The following NCKAP5 variants were observed in gnomAD, a reference collection of about 807,000 sequenced individuals.
The protein encoded by NCKAP5 is nck-associated protein 5.
Under a neutral mutation model 167.0 loss-of-function variants are expected in NCKAP5, and 92 were observed. That is an observed-to-expected ratio of 0.55 (90% CI 0.47 to 0.66). The LOEUF is 0.66. NCKAP5 is among the 30% of genes least tolerant of loss of function. NCKAP5 has a pLI of 0.00. For missense variants in NCKAP5, 2,378 were observed against 2,315.0 expected (o/e 1.03, Z -0.56); for synonymous variants, 891 against 877.4 (o/e 1.02, Z -0.27).
chr2:133,217,070 G>A (rs1056125156), intron 4 of NCKAP5, among the ~76,000 whole-genome samples: 1 of 152,096 alleles, frequency 6.6e-6, no homozygotes, highest in Non-Finnish European at 1.5e-5. Flanking sequence ...TCATTGCCTC[G>A]GACCTGAGAG....
chr2:132,715,698 C>T (rs1689302506), intron 19 of NCKAP5, among the ~76,000 whole-genome samples: 1 of 152,188 alleles, frequency 6.6e-6, no homozygotes, highest in African/African-American at 2.4e-5. Context: ...CTCCCTAACA[C>T]AGTCTGACAA....
At chr2:133,407,418 A>G (rs1688504132) in intron 3 of NCKAP5, among the ~76,000 whole-genome samples, 1 of 152,200 alleles carries the variant, frequency 6.6e-6, no homozygotes, top group Non-Finnish European at 1.5e-5. Flanking sequence ...TTTAAAAATA[A>G]TCCACTTACC....
intron 6 of NCKAP5, among the ~76,000 whole-genome samples, chr2:133,092,093 G>T (rs1369211384): frequency 2.6e-5 from 4 of 152,162 alleles, no homozygotes; most frequent in Non-Finnish European, 5.9e-5. Flanking sequence ...ACAGTGGGTT[G>T]AATTGTGTCT....
At chr2:132,893,616 T>C (rs1032310234) in intron 8 of NCKAP5, among the ~76,000 whole-genome samples, 1 of 152,206 alleles carries the variant, frequency 6.6e-6, no homozygotes, top group African/African-American at 2.4e-5. Flanking sequence ...AATTAAATTA[T>C]ATTGTTAAGG....
the NCKAP5 span, among the ~76,000 whole-genome samples, chr2:133,584,484 GC>G: frequency 6.6e-6 from 1 of 152,138 alleles, no homozygotes; most frequent in African/African-American, 2.4e-5. Flanking sequence ...TGAGGGCAGG[GC>G]CAGGTGCAGT....
rs562041235 is a variant in NCKAP5, at chr2:133,208,288, A to T, written c.207+5428T>A. 1.4e-4 allele frequency among the ~76,000 whole-genome samples: 21 copies of T among 152,292 alleles called. No homozygotes were observed. The South Asian group carries it at 3.9e-3, about 29-fold the overall frequency. ...CGGCAGGAGAGGCTGCAGAGAGCTG[A>T]CACTGTACCGCTGCATTCTGGCCTG... On this transcript the variant is annotated intron_variant, in intron 5 of 19. Transcript: ENST00000409261.
chr2:133,038,670 C>A (rs1481459113), intron 6 of NCKAP5, among the ~76,000 whole-genome samples: 1 of 151,954 alleles, frequency 6.6e-6, no homozygotes, highest in East Asian at 1.9e-4. Context: ...GAAATAGATA[C>A]CTCATTCTCC....
chr2:133,570,734 C>T (rs572072617), upstream of NCKAP5, among the ~76,000 whole-genome samples: 10 of 152,268 alleles, frequency 6.6e-5, no homozygotes, highest in South Asian at 6.2e-4. Context: ...TAGCAAGCAC[C>T]GGAGCGACAA....
At chr2:132,715,754 G>C (rs1201897491) in intron 19 of NCKAP5, among the ~76,000 whole-genome samples, 1 of 152,208 alleles carries the variant, frequency 6.6e-6, no homozygotes, top group Non-Finnish European at 1.5e-5. Context: ...GTCCCAGACA[G>C]GAGCATGGAC....
chr2:133,409,702 A>C (rs1046775188), intron 3 of NCKAP5, among the ~76,000 whole-genome samples: 1 of 152,202 alleles, frequency 6.6e-6, no homozygotes, highest in Non-Finnish European at 1.5e-5. Context: ...TGTGTATGCA[A>C]TGTTGTAGGA....
intron 7 of NCKAP5, among the ~76,000 whole-genome samples, chr2:132,979,957 C>T (rs1458864906): frequency 6.6e-6 from 1 of 151,594 alleles, no homozygotes; most frequent in Non-Finnish European, 1.5e-5. Context: ...CCAAGCCTTG[C>T]AGTACAATGA....
intron 8 of NCKAP5, among the ~76,000 whole-genome samples, chr2:132,937,097 G>T (rs1696908382): frequency 6.6e-6 from 1 of 152,122 alleles, no homozygotes; most frequent in Admixed American, 6.5e-5. Context: ...GGAATTTACT[G>T]GCCCTCCTCT....
In NCKAP5 at chr2:133,096,783, T is replaced by C. The variant is rs192752038; in HGVS notation, c.341+33195A>G. Reference sequence around the variant, plus strand: ...CTAGAAGTTCATACAAGTTCAAAGGTACTAGTCGCTAATGAATGAAGACAC... The same window carrying C: ...CTAGAAGTTCATACAAGTTCAAAGGCACTAGTCGCTAATGAATGAAGACAC... On this transcript the variant is annotated intron_variant, in intron 6 of 19. Coordinates refer to ENST00000409261, the MANE Select transcript of NCKAP5 (RefSeq NM_207363.3). Among the ~76,000 whole-genome samples the C allele has an allele frequency of 4.6e-5, 7 of 152,234 alleles. 1 individual carries two copies. In the East Asian group the frequency reaches 1.4e-3, roughly 29 times the overall value.
intron 2 of NCKAP5, among the ~76,000 whole-genome samples, chr2:133,541,035 ACTAAATAAAT>A (rs1361244970): frequency 6.6e-6 from 1 of 150,830 alleles, no homozygotes; most frequent in Non-Finnish European, 1.5e-5. Flanking sequence ...GTATAAAGAT[ACTAAATAAAT>A]CTTATTCTTT....
chr2:132,681,385 C>T (rs757098037), intron 19 of NCKAP5, among the ~76,000 whole-genome samples: 79 of 148,032 alleles, frequency 5.3e-4, no homozygotes, highest in Non-Finnish European at 9.2e-4. Flanking sequence ...CGTTTTATGT[C>T]TTAAATATGT....
chr2:133,170,874 C>A (rs1559220448), intron 5 of NCKAP5, among the ~76,000 whole-genome samples: 1 of 152,200 alleles, frequency 6.6e-6, no homozygotes, highest in East Asian at 1.9e-4. Context: ...CCCAAGCATG[C>A]CCCAGCAATA....
intron 5 of NCKAP5, among the ~76,000 whole-genome samples, chr2:133,199,313 A>G (rs1424519407): frequency 6.6e-6 from 1 of 152,064 alleles, no homozygotes; most frequent in Non-Finnish European, 1.5e-5. Context: ...TGCAAACCAA[A>G]GAATGGGGGA....
intron 3 of NCKAP5, among the ~76,000 whole-genome samples, chr2:133,441,715 C>T (rs1363040457): frequency 6.6e-6 from 1 of 152,212 alleles, no homozygotes; most frequent in Non-Finnish European, 1.5e-5. Flanking sequence ...CCTCTAGCAA[C>T]CACCATTCCA....
intron 3 of NCKAP5, among the ~76,000 whole-genome samples, chr2:133,366,847 A>C (rs567152799): frequency 6.6e-6 from 1 of 152,280 alleles, no homozygotes; most frequent in Non-Finnish European, 1.5e-5. Flanking sequence ...AAAATTTTAA[A>C]GTATATGTGT....
Sources: gnomAD v4.1 joint callset for allele counts (sites outside exome capture counted in the v4.1 genomes callset) on GRCh38, gnomAD v4.1.1 for gene constraint, MANE v1.5 for transcripts, NCBI Gene and HGNC (gene_info 2026-07-23, HGNC 2026-07-21) for gene names.